The following PIGG variants were observed in gnomAD, a reference collection of about 807,000 sequenced individuals.
The protein encoded by PIGG is GPI ethanolamine phosphate transferase 2, catalytic subunit.
A neutral mutation model predicts 83.2 loss-of-function variants in PIGG; 70 were observed. The observed-to-expected ratio is 0.84, with a 90% CI of 0.69 to 1.03. The LOEUF (loss-of-function observed/expected upper bound fraction) is 1.03, where lower values mean the gene tolerates loss of function less well. PIGG is among the 50% of genes least tolerant of loss of function. The pLI, the probability that PIGG is intolerant of heterozygous loss-of-function variation, is 0.00. For synonymous variants in PIGG, 532 were observed against 519.5 expected (o/e 1.02, Z -0.33); for missense variants, 1,257 against 1,233.6 (o/e 1.02, Z -0.28).
intron 10 of PIGG, among the ~76,000 whole-genome samples, chr4:529,770 A>G (rs2109010106): frequency 6.6e-6 from 1 of 152,140 alleles, no homozygotes; most frequent in African/African-American, 2.4e-5. Context: ...GTGTAGAACC[A>G]TTTTCTCTCC....
chr4:505,641 A>AAC, intron 2 of PIGG, 77 bp from the exon 3 acceptor site: 2 of 1,100,712 alleles, frequency 1.8e-6, no homozygotes, highest in Non-Finnish European at 2.7e-6. Context: ...TCAAAAAAAA[A>AAC]AAAAAAAATC....
intron 6 of PIGG, 27 bp from the exon 7 acceptor site, chr4:521,029 C>T (rs748910329): frequency 5.3e-6 from 8 of 1,501,590 alleles, no homozygotes; most frequent in Admixed American, 5.0e-5. Context: ...TGTGTGCGCG[C>T]CTGTAACCTT....
Position 526,879 on chromosome 4 carries a change from A to G in PIGG, c.2070-160A>G, listed in dbSNP as rs556261280. The G allele has an allele frequency of 1.4e-3, 1,218 of 850,754 alleles. 2 individuals carry two copies. Among genetic ancestry groups the G allele is most frequent in the Non-Finnish European group, 1.8e-3 (1,011 of 549,214 alleles). The allele number at this position is 850,754 out of a possible 1,614,324, so 52.7% of individuals were successfully genotyped here. ...GACCATCTTTTATTTGTTACACTTT[A>G]AGAACCTTTGTTTGAAAATAAAAAT... On this transcript the variant is annotated intron_variant, in intron 9 of 12. Transcript: ENST00000453061.
chr4:529,917 C>T (rs759504358), intron 10 of PIGG, among the ~76,000 whole-genome samples: 1 of 152,210 alleles, frequency 6.6e-6, no homozygotes, highest in African/African-American at 2.4e-5. Flanking sequence ...GATGACTGCA[C>T]CACTGCACGC....
chr4:510,297 T>C (rs1721447537), intron 5 of PIGG, among the ~76,000 whole-genome samples: 1 of 152,228 alleles, frequency 6.6e-6, no homozygotes, highest in Non-Finnish European at 1.5e-5. Context: ...AAGGAATAGA[T>C]GGGGCTAGTT....
intron 12 of PIGG, among the ~76,000 whole-genome samples, chr4:534,363 A>C (rs1177808923): frequency 6.6e-6 from 1 of 152,144 alleles, no homozygotes; most frequent in Non-Finnish European, 1.5e-5. Flanking sequence ...CCCTTTGGGG[A>C]CATGAAGATA....
intron 12 of PIGG, chr4:536,135 A>G (rs1356362736): frequency 6.6e-6 from 1 of 152,272 alleles, no homozygotes; most frequent in East Asian, 1.9e-4. Flanking sequence ...CCATGGTGGA[A>G]GTGTTCGTGC....
intron 6 of PIGG, among the ~76,000 whole-genome samples, chr4:516,660 A>C (rs562650423): frequency 6.6e-6 from 1 of 152,258 alleles, no homozygotes; most frequent in Non-Finnish European, 1.5e-5. Flanking sequence ...ATTGAAGACC[A>C]GCCTGACTAA....
chr4:520,922 C>A, intron 6 of PIGG, 134 bp from the exon 7 acceptor site: 1 of 662,994 alleles, frequency 1.5e-6, no homozygotes, highest in Admixed American at 2.6e-5. Flanking sequence ...AATGATTGAT[C>A]TTCATTAAGC....
chr4:522,383 A>C (rs1577098629), intron 8 of PIGG: 1 of 277,830 alleles, frequency 3.6e-6, no homozygotes, highest in Non-Finnish European at 6.9e-6. Flanking sequence ...TCATCCTGCC[A>C]CCCCCAGAAT....
At chr4:538,536 C>A (rs938866484) in intron 12 of PIGG, among the ~76,000 whole-genome samples, 1 of 152,186 alleles carries the variant, frequency 6.6e-6, no homozygotes, top group South Asian at 2.1e-4. Flanking sequence ...GTAGCACATG[C>A]ATATATAATT....
chr4:527,246 A>G lies in PIGG; in HGVS notation c.2261+16A>G, dbSNP rs1185179766. ...ACATTTCCAAGTAAGTGCGTGGCGG[A>G]CACGGGGTGCATAGAGCCACTTTAC... On this transcript the variant is annotated intron_variant, in intron 10 of 12. Transcript: ENST00000453061. The G allele has an allele frequency of 1.3e-6, 2 of 1,563,236 alleles. No individual in the cohort carries two copies. Among genetic ancestry groups the G allele is most frequent in the Non-Finnish European group, 1.7e-6 (2 of 1,156,018 alleles).
rs1553878851 is a variant in PIGG, at chr4:505,882, G to A, written c.525G>A (p.Val175=). Residue 175 remains valine (V), a synonymous_variant, in exon 3 of 13, where the codon GTG becomes GTA. Transcript: ENST00000453061. ...TWVKLFPKHF[V]EYDGTTSFFV... is the part of the protein sequence containing the mutation. ...TTAAATTATTCCCAAAGCATTTTGT[G>A]GAATATGATGGAACAACCTCATTTT... The A allele has an allele frequency of 6.2e-7, 1 of 1,613,000 alleles. No homozygotes were observed. The highest frequency in any genetic ancestry group is 1.1e-5 in the South Asian group (1 of 90,996).
At chr4:523,062 C>A (rs1456331251) in intron 8 of PIGG, among the ~76,000 whole-genome samples, 2 of 152,168 alleles carry the variant, frequency 1.3e-5, no homozygotes, top group Non-Finnish European at 2.9e-5. Flanking sequence ...CTAAGCTCTT[C>A]CAGAGCCTGG....
rs761459311 is a variant in PIGG at position 523,716 on chromosome 4, C to T, written c.1872C>T (p.Asp624=). The change falls in exon 9 of 13, where the codon GAC becomes GAT. Residue 624 remains aspartate (D), a synonymous_variant. Transcript: ENST00000453061. ...GHDGATAAWQ[D]GPGCDVLERD... is the part of the protein sequence containing the mutation. ...ACGGGGCCACAGCAGCGTGGCAGGACGGGCCTGGCTGTGATGTCCTGGAGC... is the reference window on the plus strand; with the variant it reads ...ACGGGGCCACAGCAGCGTGGCAGGATGGGCCTGGCTGTGATGTCCTGGAGC... 1.8e-5 allele frequency: 29 copies of T among 1,614,218 alleles called. No homozygotes were observed. Among genetic ancestry groups the T allele is most frequent in the South Asian group, 1.4e-4 (13 of 91,084 alleles).
At position 528,317 on chromosome 4, in the gene PIGG, C is replaced by T. The variant is rs1728219993; in HGVS notation, c.2261+1087C>T. On this transcript the variant is annotated intron_variant, in intron 10 of 12. Coordinates refer to ENST00000453061, the MANE Select transcript of PIGG (RefSeq NM_001127178.3). The surrounding 1 kb of genome is among the most constrained non-coding windows in gnomAD (Gnocchi z 4.8). ...CTGAAATCATAAGATTGTGGTCTTGCTTTTTACTTATTTTTGTATCTTAGC... is the reference window on the plus strand; with the variant it reads ...CTGAAATCATAAGATTGTGGTCTTGTTTTTTACTTATTTTTGTATCTTAGC... 2.0e-6 allele frequency: 2 copies of T among 984,544 alleles called. No homozygotes were observed. Among genetic ancestry groups the T allele is most frequent in the East Asian group, 1.1e-4 (1 of 8,804 alleles). 61.0% of individuals were successfully genotyped at this position (984,544 alleles called of 1,614,324 possible). A position where few individuals can be genotyped will look rare whatever the true frequency, so the allele number is the denominator to read the frequency against.
chr4:528,662 G>A lies in PIGG; in HGVS notation c.2261+1432G>A, dbSNP rs1324287927. ...AGACTTAGGGCTCATCCAAATGGATGTTACATTTGCGGGTGTGTGTTTAAG... is the reference window on the plus strand; with the variant it reads ...AGACTTAGGGCTCATCCAAATGGATATTACATTTGCGGGTGTGTGTTTAAG... On this transcript the variant is annotated intron_variant, in intron 10 of 12. Transcript: ENST00000453061. This position sits in a 1 kb window ranked among gnomAD's most constrained non-coding sequence, Gnocchi z 4.8. 4 of 984,412 alleles carry A rather than the reference G, an allele frequency of 4.1e-6. No homozygotes were observed. The East Asian group carries it at 4.5e-4, about 112-fold the overall frequency. The allele number at this position is 984,412 out of a possible 1,614,324, so 61.0% of individuals were successfully genotyped here.
intron 1 of PIGG, 23 bp from the exon 2 acceptor site, chr4:500,373 T>G: frequency 6.4e-7 from 1 of 1,569,624 alleles, no homozygotes; most frequent in Non-Finnish European, 8.8e-7. Flanking sequence ...TTCAATTTCC[T>G]TTTTTTTCTT....
rs1012544992 is a variant in PIGG at position 521,000 on chromosome 4, T to C, written c.1115-56T>C. ...ACCGAATACTTTGAGATTATGTATATAAATGTATGTTCACGGTGTGTGTGC... is the reference window on the plus strand; with the variant it reads ...ACCGAATACTTTGAGATTATGTATACAAATGTATGTTCACGGTGTGTGTGC... On this transcript the variant is annotated intron_variant, in intron 6 of 12. Transcript: ENST00000453061. The C allele has an allele frequency of 2.5e-6, 3 of 1,200,904 alleles. No homozygotes were observed. The Admixed American group carries it at 5.1e-5, about 20-fold the overall frequency. 74.4% of individuals were successfully genotyped at this position (1,200,904 alleles called of 1,614,324 possible). A position where few individuals can be genotyped will look rare whatever the true frequency, so the allele number is the denominator to read the frequency against.
Sources: gnomAD v4.1 joint callset for allele counts (sites outside exome capture counted in the v4.1 genomes callset) on GRCh38, gnomAD v4.1.1 for gene constraint, Gnocchi (gnomAD v3.1) non-coding constraint, MANE v1.5 for transcripts, NCBI Gene and HGNC (gene_info 2026-07-23, HGNC 2026-07-21) for gene names.